LIMS1: variants seen among roughly 807,000 people sequenced by gnomAD.
LIMS1 encodes LIM and senescent cell antigen-like-containing domain protein 1.
Under a neutral mutation model 44.1 loss-of-function variants are expected in LIMS1, and 18 were observed. The observed-to-expected ratio is 0.41, with a 90% CI of 0.28 to 0.61. LIMS1 has a LOEUF of 0.61. Ranked by LOEUF, LIMS1 falls within the 20% of genes least tolerant of loss-of-function variation. The pLI is 0.32. For synonymous variants in LIMS1, 93 were observed against 149.1 expected (o/e 0.62, Z 2.74); for missense variants, 201 against 422.0 (o/e 0.48, Z 4.59).
chr2:108,646,923 G>A (rs537158103), intron 1 of LIMS1, among the ~76,000 whole-genome samples: 89 of 152,100 alleles, frequency 5.9e-4, no homozygotes, highest in Non-Finnish European at 9.0e-4. Context: ...GGGTTTCACC[G>A]CGTTAGCCAG....
chr2:108,618,406 A>G (rs1239688587), intron 1 of LIMS1, among the ~76,000 whole-genome samples: 2 of 152,130 alleles, frequency 1.3e-5, no homozygotes, highest in African/African-American at 4.8e-5. Flanking sequence ...TGTCTTTGTC[A>G]TGGCCCTGCT....
intron 1 of LIMS1, among the ~76,000 whole-genome samples, chr2:108,541,826 T>C (rs1684327051): frequency 1.3e-5 from 2 of 152,264 alleles, no homozygotes; most frequent in East Asian, 1.9e-4. Flanking sequence ...TCCTGGAGCA[T>C]TAATTTAGCC....
At chr2:108,607,007 A>C (rs1187417983) in intron 1 of LIMS1, among the ~76,000 whole-genome samples, 1 of 152,244 alleles carries the variant, frequency 6.6e-6, no homozygotes, top group East Asian at 1.9e-4. Context: ...GTCTCCCCAA[A>C]ATTCATATGT....
chr2:108,549,015 T>A, intron 1 of LIMS1, among the ~76,000 whole-genome samples: 1 of 152,170 alleles, frequency 6.6e-6, no homozygotes, highest in Admixed American at 6.5e-5. Flanking sequence ...ATATAGCACT[T>A]TTCTACAAAA....
chr2:108,656,321 A>C (rs200376480), intron 1 of LIMS1, among the ~76,000 whole-genome samples: 588 of 24,874 alleles, frequency 0.024, 6 homozygotes, highest in Admixed American at 0.061. Context: ...ATCTATCTAT[A>C]GATAGATAGA....
intron 6 of LIMS1, 22 bp downstream of exon 6, chr2:108,676,050 G>A (rs768579462): frequency 6.3e-7 from 1 of 1,599,656 alleles, no homozygotes; most frequent in Non-Finnish European, 8.5e-7. Flanking sequence ...ATGGCAAAGG[G>A]TAACCAATCC....
Position 108,540,702 on chromosome 2 carries a change from C to T in LIMS1, c.32+6108C>T, listed in dbSNP as rs554777247. On this transcript the variant is annotated intron_variant, in intron 1 of 9. Coordinates refer to ENST00000544547, the Ensembl canonical transcript of LIMS1. ...CACTTTAGTGGGTCCCCTGCATTAG[C>T]CCTTTATTTAAATACACTGCTTCTT... Among the ~76,000 whole-genome samples, 5 of 152,232 alleles carry T rather than the reference C, an allele frequency of 3.3e-5. No individual in the cohort carries two copies. The South Asian group carries it at 8.3e-4, about 25-fold the overall frequency.
chr2:108,629,233 A>G (rs1169372078), intron 1 of LIMS1, among the ~76,000 whole-genome samples: 3 of 152,216 alleles, frequency 2.0e-5, no homozygotes, highest in Non-Finnish European at 4.4e-5. Context: ...ACGGATCACA[A>G]CTTACATGTT....
chr2:108,643,910 AC>A (rs1481704606), intron 1 of LIMS1, among the ~76,000 whole-genome samples: 1 of 152,146 alleles, frequency 6.6e-6, no homozygotes, highest in African/African-American at 2.4e-5. Context: ...GGAAATTCGA[AC>A]TGGGTGGAGC....
In LIMS1 at chr2:108,678,028, G is replaced by T. The variant is rs374392516; in HGVS notation, c.823+1G>T. 1.2e-6 allele frequency: 2 copies of T among 1,604,132 alleles called. No homozygotes were observed. Among genetic ancestry groups the T allele is most frequent in the Non-Finnish European group, 1.7e-6 (2 of 1,178,342 alleles). On this transcript the variant is annotated splice_donor_variant, in intron 8 of 9. Transcript: ENST00000544547. LOFTEE classifies it high-confidence loss of function. Reference sequence around the variant, plus strand: ...TGCAATCGTGTTATAGAAGGTGATGGTAAGTATCTGTGTGAGTTTTAGATT... The same window carrying T: ...TGCAATCGTGTTATAGAAGGTGATGTTAAGTATCTGTGTGAGTTTTAGATT...
At chr2:108,551,781 A>AT (rs1222230800) in intron 1 of LIMS1, among the ~76,000 whole-genome samples, 42 of 146,374 alleles carry the variant, frequency 2.9e-4, no homozygotes, top group African/African-American at 8.5e-4. Context: ...TATCATATAC[A>AT]ATATACAGAT....
chr2:108,595,007 T>G (rs761039726), intron 1 of LIMS1, among the ~76,000 whole-genome samples: 2 of 152,112 alleles, frequency 1.3e-5, no homozygotes, highest in African/African-American at 4.8e-5. Context: ...GATGGAAAGC[T>G]CTGTGGAAGG....
At chr2:108,584,145 C>T (rs1686001633) in intron 1 of LIMS1, among the ~76,000 whole-genome samples, 2 of 152,140 alleles carry the variant, frequency 1.3e-5, no homozygotes, top group Non-Finnish European at 2.9e-5. Context: ...AGCAAACCCA[C>T]TCTTACATAG....
At chr2:108,611,038 T>C (rs969880920) in intron 1 of LIMS1, among the ~76,000 whole-genome samples, 1 of 152,146 alleles carries the variant, frequency 6.6e-6, no homozygotes, top group Non-Finnish European at 1.5e-5. Context: ...GTGGTTGAAT[T>C]TTTAAATGAT....
At chr2:108,625,279 G>A (rs1688495891) in intron 1 of LIMS1, among the ~76,000 whole-genome samples, 1 of 152,156 alleles carries the variant, frequency 6.6e-6, no homozygotes. Flanking sequence ...AGTTTTACTG[G>A]AACACAGCCA....
chr2:108,629,517 G>GT (rs1308508561), intron 1 of LIMS1, among the ~76,000 whole-genome samples: 1 of 152,198 alleles, frequency 6.6e-6, no homozygotes, highest in Non-Finnish European at 1.5e-5. Flanking sequence ...AAAAATGCAA[G>GT]TATCAGTTAT....
rs7584964 is a variant in LIMS1 at position 108,675,860 on chromosome 2, T to C, written c.531-18T>C. On this transcript the variant is annotated intron_variant, in intron 5 of 9. Coordinates refer to ENST00000544547, the Ensembl canonical transcript of LIMS1. ...TTTTCTCTCTTAGTATTAAGCTGTG[T>C]GTCTTTCTCACGGACAGGAAGGAGC... The C allele has an allele frequency of 6.6e-3, 10,587 of 1,613,940 alleles. 617 individuals are homozygous for C. In the African/African-American group the frequency reaches 0.13, roughly 19 times the overall value.
chr2:108,559,848 A>G (rs893589156), intron 1 of LIMS1, among the ~76,000 whole-genome samples: 38 of 152,188 alleles, frequency 2.5e-4, no homozygotes, highest in Non-Finnish European at 2.5e-4. Context: ...AGCAGCCTTA[A>G]AAACTGTTAT....
chr2:108,675,384 C>T (rs933255425), intron 5 of LIMS1, among the ~76,000 whole-genome samples: 8 of 152,070 alleles, frequency 5.3e-5, no homozygotes, highest in African/African-American at 1.9e-4. Flanking sequence ...AGGAACCCAC[C>T]CCCTCAGTAA....
Sources: gnomAD v4.1 joint callset for allele counts (sites outside exome capture counted in the v4.1 genomes callset) on GRCh38, gnomAD v4.1.1 for gene constraint, MANE v1.5 for transcripts, NCBI Gene and HGNC (gene_info 2026-07-23, HGNC 2026-07-21) for gene names.